Variants in GRK3 observed in about 807,000 individuals in gnomAD.
The protein encoded by GRK3 is G protein-coupled receptor kinase 3, also known as adrenergic, beta, receptor kinase 2.
Under a neutral mutation model 95.7 loss-of-function variants are expected in GRK3, and 54 were observed. The observed-to-expected ratio is 0.56, with a 90% CI of 0.45 to 0.71. The LOEUF (loss-of-function observed/expected upper bound fraction) is 0.71, where lower values mean the gene tolerates loss of function less well. Ranked by LOEUF, GRK3 falls within the 30% of genes least tolerant of loss-of-function variation. The pLI is 0.00. For missense variants in GRK3, 649 were observed against 851.2 expected, an observed-to-expected ratio of 0.76 and a Z score of 2.96; for synonymous variants, 281 against 290.8, an observed-to-expected ratio of 0.97 and a Z score of 0.34.
intron 1 of GRK3, among the ~76,000 whole-genome samples, chr22:25,600,262 T>G (rs1237793359): frequency 1.3e-5 from 2 of 151,558 alleles, no homozygotes; most frequent in Non-Finnish European, 2.9e-5. Context: ...TTCTCCTGCC[T>G]CAGCCTCCTG....
At chr22:25,698,644 G>T (rs1041707147) in intron 13 of GRK3, among the ~76,000 whole-genome samples, 4 of 152,184 alleles carry the variant, frequency 2.6e-5, no homozygotes, top group African/African-American at 9.7e-5. Context: ...CGGATGCAGT[G>T]CTGGGAAGTT....
At position 25,699,074 on chromosome 22, in the gene GRK3, G is replaced by A. The variant is rs73415126; in HGVS notation, c.1160+3860G>A. Among the ~76,000 whole-genome samples, 523 of 152,256 alleles carry A rather than the reference G, an allele frequency of 3.4e-3. 2 individuals carry two copies. Among genetic ancestry groups the A allele is most frequent in the African/African-American group, 0.012 (506 of 41,522 alleles). On this transcript the variant is annotated intron_variant, in intron 13 of 20. Transcript: ENST00000324198. ...GAAGTGTACGGAGGGCCTTTCAGGA[G>A]CAAAACCCTGTGGCGAGGCGGGCAG...
chr22:25,629,263 G>T (rs1038851075), intron 2 of GRK3, among the ~76,000 whole-genome samples: 1 of 152,202 alleles, frequency 6.6e-6, no homozygotes, highest in African/African-American at 2.4e-5. Context: ...TGCAGGAAAA[G>T]AGGTTTGTGA....
chr22:25,635,974 A>ATT (rs2084698063), intron 2 of GRK3, among the ~76,000 whole-genome samples: 1 of 152,038 alleles, frequency 6.6e-6, no homozygotes, highest in Non-Finnish European at 1.5e-5. Context: ...TAGATCCTTA[A>ATT]TTTATCTAAT....
Position 25,565,028 on chromosome 22 carries a change from A to G in GRK3, c.-13A>G. ...CGGAGTAACCGCCGCCGCCGCCGCC[A>G]AAGCTCGCCAACATGGCGGACCTGG... On this transcript the variant is annotated 5_prime_UTR_variant, in exon 1 of 21. Transcript: ENST00000324198. 1.5e-6 allele frequency: 2 copies of G among 1,297,460 alleles called. No individual in the cohort carries two copies. Among genetic ancestry groups the G allele is most frequent in the Non-Finnish European group, 2.0e-6 (2 of 986,668 alleles). 80.4% of individuals were successfully genotyped at this position (1,297,460 alleles called of 1,614,324 possible). A position where few individuals can be genotyped will look rare whatever the true frequency, so the allele number is the denominator to read the frequency against.
At position 25,709,107 on chromosome 22, in the gene GRK3, G is replaced by C. The variant is rs980810342; in HGVS notation, c.1329-791G>C. On this transcript the variant is annotated intron_variant, in intron 15 of 20. Transcript: ENST00000324198. ...GGCTGGAGTCCAGTGGCGCAATCTC[G>C]GTTCACTGCAAGCTCCACCTCCCGG... 3.3e-5 allele frequency among the ~76,000 whole-genome samples: 5 copies of C among 151,338 alleles called. No homozygotes were observed. The East Asian group carries it at 9.7e-4, about 29-fold the overall frequency.
In GRK3 at chr22:25,588,511, C is replaced by T. The variant is rs549403511; in HGVS notation, c.114-15866C>T. On this transcript the variant is annotated intron_variant, in intron 1 of 20. Transcript: ENST00000324198. ...AAACTATTTAAGATTCTTTTACAGA[C>T]TACATCAGAATCCTGGTGGAGTTTA... is the stretch of plus-strand genomic sequence containing the variant. Among the ~76,000 whole-genome samples, 55 of 152,288 alleles carry T rather than the reference C, an allele frequency of 3.6e-4. No homozygotes were observed. In the Middle Eastern group the frequency reaches 0.014, roughly 38 times the overall value.
intron 12 of GRK3, among the ~76,000 whole-genome samples, chr22:25,693,833 GCAATGGCACCATCTCAGCTCAC>G (rs2085185123): frequency 7.0e-6 from 1 of 143,814 alleles, no homozygotes; most frequent in Non-Finnish European, 1.5e-5. Flanking sequence ...AGGCTGGAGT[GCAATGGCACCATCTCAGCTCAC>G]CATAACCTCT....
At chr22:25,682,613 C>T (rs2085083388) in intron 9 of GRK3, among the ~76,000 whole-genome samples, 1 of 152,090 alleles carries the variant, frequency 6.6e-6, no homozygotes, top group Admixed American at 6.5e-5. Flanking sequence ...AAGATATAGA[C>T]AATCTAGGCC....
In GRK3 at chr22:25,595,325, A is replaced by G. The variant is rs549794608; in HGVS notation, c.114-9052A>G. Among the ~76,000 whole-genome samples the G allele has an allele frequency of 4.6e-5, 7 of 152,332 alleles. No homozygotes were observed. In the South Asian group the frequency reaches 8.3e-4, roughly 18 times the overall value. On this transcript the variant is annotated intron_variant, in intron 1 of 20. Coordinates refer to ENST00000324198, the MANE Select transcript of GRK3 (RefSeq NM_005160.4). ...CAGGAAGTTTCAGGATACAAAATCA[A>G]TGTACAGAAATCAGTAGCATTTCTA...
At chr22:25,620,871 T>TA (rs1290509634) in intron 2 of GRK3, among the ~76,000 whole-genome samples, 1 of 152,186 alleles carries the variant, frequency 6.6e-6, no homozygotes, top group Non-Finnish European at 1.5e-5. Flanking sequence ...ATACAAGACA[T>TA]ATCAGTAAGA....
At chr22:25,706,793 G>C (rs113960780) in intron 15 of GRK3, among the ~76,000 whole-genome samples, 4,914 of 152,232 alleles carry the variant, frequency 0.032, 104 homozygotes, top group African/African-American at 0.061. Context: ...AAAGTGCTGG[G>C]ATTACAGGCG....
At position 25,682,089 on chromosome 22, in the gene GRK3, C is replaced by T. The variant is rs1234891985; in HGVS notation, c.748-3081C>T. ...CTTCACCTGCGTGTTTATTTTACAT[C>T]GAGTCAAAGATAAATATAGTTGGAC... On this transcript the variant is annotated intron_variant, in intron 9 of 20. Transcript: ENST00000324198. Among the ~76,000 whole-genome samples the T allele has an allele frequency of 3.3e-5, 5 of 152,026 alleles. No homozygotes were observed. In the East Asian group the frequency reaches 5.8e-4, roughly 18 times the overall value.
intron 13 of GRK3, chr22:25,702,928 G>T: frequency 2.2e-6 from 1 of 455,862 alleles, no homozygotes; most frequent in Non-Finnish European, 4.4e-6. Flanking sequence ...TCTGACTCTG[G>T]AGTCGGGTTC....
intron 8 of GRK3, 65 bp from the exon 9 acceptor site, chr22:25,678,751 T>C: frequency 1.1e-6 from 1 of 950,802 alleles, no homozygotes. Flanking sequence ...CAGAGTGACA[T>C]ATATTGTTTA....
At chr22:25,672,465 G>C in intron 7 of GRK3, 118 bp downstream of exon 7, 1 of 643,554 alleles carries the variant, frequency 1.6e-6, no homozygotes, top group Non-Finnish European at 2.8e-6. Context: ...CCAAACAGAT[G>C]TCTGTCTTAC....
At chr22:25,600,239 C>A (rs1212353153) in intron 1 of GRK3, among the ~76,000 whole-genome samples, 3 of 151,756 alleles carry the variant, frequency 2.0e-5, no homozygotes, top group Non-Finnish European at 4.4e-5. Context: ...GTCCGCCTCC[C>A]AGGTTCAAAT....
chr22:25,726,254 C>T lies in GRK3; in HGVS notation c.*3804C>T, dbSNP rs147923591. 4.1e-3 allele frequency: 618 copies of T among 152,286 alleles called. 17 individuals carry two copies. Among genetic ancestry groups the T allele is most frequent in the East Asian group, 0.017 (87 of 5,190 alleles). The allele number at this position is 152,286 out of a possible 1,614,324, so 9.4% of individuals were successfully genotyped here. On this transcript the variant is annotated 3_prime_UTR_variant, in exon 21 of 21. Coordinates refer to ENST00000324198, the MANE Select transcript of GRK3 (RefSeq NM_005160.4). ...AATTTGTAGCTGGGCCAATTCAACA[C>T]ATTTTACTTTTCAGTGGAATTGATT...
Position 25,672,471 on chromosome 22 carries a change from C to T in GRK3, c.555+124C>T, listed in dbSNP as rs2084990941. ...GTCCACTGCCCAAACAGATGTCTGT[C>T]TTACAGCTTTAAGTACTAAGCATTC... On this transcript the variant is annotated intron_variant, in intron 7 of 20. Coordinates refer to ENST00000324198, the MANE Select transcript of GRK3 (RefSeq NM_005160.4). The T allele has an allele frequency of 2.8e-5, 18 of 634,792 alleles. No homozygotes were observed. The South Asian group carries it at 3.3e-4, about 12-fold the overall frequency. The allele number at this position is 634,792 out of a possible 1,614,324, so 39.3% of individuals were successfully genotyped here. A position where few individuals can be genotyped will look rare whatever the true frequency, so the allele number is the denominator to read the frequency against.
Sources: gnomAD v4.1 joint callset for allele counts (sites outside exome capture counted in the v4.1 genomes callset) on GRCh38, gnomAD v4.1.1 for gene constraint, MANE v1.5 for transcripts, NCBI Gene and HGNC (gene_info 2026-07-23, HGNC 2026-07-21) for gene names.